CDH22: variants seen among roughly 807,000 people sequenced by gnomAD.
CDH22 encodes the protein cadherin 22, also known as cadherin-22.
A neutral mutation model predicts 58.4 loss-of-function variants in CDH22; 30 were observed. The observed-to-expected ratio is 0.51, with a 90% CI of 0.38 to 0.70. CDH22 has a LOEUF of 0.70. Among genes scored for constraint, CDH22 ranks in the 30% least tolerant of loss-of-function variants. The pLI, the probability that CDH22 is intolerant of heterozygous loss-of-function variation, is 0.00. For missense variants in CDH22, 1,014 were observed against 1,233.9 expected, an observed-to-expected ratio of 0.82 and a Z score of 2.67; for synonymous variants, 513 against 558.2, an observed-to-expected ratio of 0.92 and a Z score of 1.14.
Position 46,221,147 on chromosome 20 carries a change from T to TC in CDH22, c.671-4155dup, listed in dbSNP as rs537373547. 9.9e-5 allele frequency among the ~76,000 whole-genome samples: 15 copies of TC among 152,212 alleles called. No homozygotes were observed. In the East Asian group the frequency reaches 2.9e-3, roughly 29 times the overall value. On this transcript the variant is annotated intron_variant, in intron 4 of 11. Coordinates refer to ENST00000537909, the MANE Select transcript of CDH22 (RefSeq NM_021248.3). ...CTGCCAGCTGTCCCAGTGAAGTCAC[T>TC]CCCAGCGACCCGACAGCTGACTGTT...
chr20:46,281,171 C>T (rs1014486104), intron 1 of CDH22, among the ~76,000 whole-genome samples: 2 of 152,184 alleles, frequency 1.3e-5, no homozygotes, highest in African/African-American at 4.8e-5. Flanking sequence ...TCTAAATAGA[C>T]TTCTGAAAGA....
At chr20:46,289,142 T>C (rs1230096615) in intron 1 of CDH22, among the ~76,000 whole-genome samples, 6 of 152,176 alleles carry the variant, frequency 3.9e-5, no homozygotes. Flanking sequence ...CTTTGGGCCT[T>C]TGCACTTGCT....
intron 6 of CDH22, among the ~76,000 whole-genome samples, chr20:46,211,547 G>A (rs566615287): frequency 9.9e-4 from 151 of 152,266 alleles, no homozygotes; most frequent in Middle Eastern, 3.4e-3. Context: ...CACCGACTCC[G>A]CAGAGACACC....
intron 1 of CDH22, among the ~76,000 whole-genome samples, chr20:46,262,502 C>T (rs1389503838): frequency 6.6e-6 from 1 of 152,178 alleles, no homozygotes; most frequent in African/African-American, 2.4e-5. Flanking sequence ...ACCTTCCTTG[C>T]TCCCTTTCCC....
intron 1 of CDH22, among the ~76,000 whole-genome samples, chr20:46,299,617 TTAAAATAA>T (rs1486241394): frequency 8.7e-6 from 1 of 114,852 alleles, no homozygotes; most frequent in African/African-American, 2.9e-5. Context: ...CAAAAAAAAA[TTAAAATAA>T]TAATAATAAT....
At chr20:46,277,087 G>A (rs1367757936) in intron 1 of CDH22, among the ~76,000 whole-genome samples, 1 of 151,428 alleles carries the variant, frequency 6.6e-6, no homozygotes, top group Non-Finnish European at 1.5e-5. Context: ...CCAGGAGTTT[G>A]AGACCAGCCT....
chr20:46,177,889 C>G, intron 11 of CDH22, 57 bp downstream of exon 11: 1 of 1,589,298 alleles, frequency 6.3e-7, no homozygotes, highest in Non-Finnish European at 8.6e-7. Flanking sequence ...GGAAGGAAAC[C>G]CAGGACGCCA....
chr20:46,188,430 C>T (rs186912386), intron 8 of CDH22, among the ~76,000 whole-genome samples: 37 of 152,220 alleles, frequency 2.4e-4, no homozygotes, highest in African/African-American at 7.7e-4. Flanking sequence ...ATTATTGGAA[C>T]GCTAAGCATG....
At chr20:46,183,594 AATTATT>A (rs2085803338) in intron 10 of CDH22, among the ~76,000 whole-genome samples, 5 of 151,896 alleles carry the variant, frequency 3.3e-5, no homozygotes, top group Admixed American at 3.3e-4. Context: ...ATGCCCAGCT[AATTATT>A]ATTATTATTT....
chr20:46,280,581 G>C (rs1167993849), intron 1 of CDH22, among the ~76,000 whole-genome samples: 1 of 152,200 alleles, frequency 6.6e-6, no homozygotes, highest in East Asian at 1.9e-4. Context: ...AAAGACCTCA[G>C]CCTATGGTCT....
At chr20:46,262,407 C>T (rs1361042817) in intron 1 of CDH22, among the ~76,000 whole-genome samples, 3 of 152,024 alleles carry the variant, frequency 2.0e-5, no homozygotes, top group Non-Finnish European at 4.4e-5. Context: ...CCAGTCTTGC[C>T]CCCCGCCCCA....
intron 1 of CDH22, among the ~76,000 whole-genome samples, chr20:46,270,148 A>G (rs1905085394): frequency 6.6e-6 from 1 of 152,194 alleles, no homozygotes; most frequent in Admixed American, 6.5e-5. Flanking sequence ...GCCTAGGGGA[A>G]GAAAGTAGAA....
At chr20:46,291,640 TG>T (rs2086603743) in intron 1 of CDH22, among the ~76,000 whole-genome samples, 1 of 152,228 alleles carries the variant, frequency 6.6e-6, no homozygotes, top group African/African-American at 2.4e-5. Flanking sequence ...CCTGCTGCAC[TG>T]ATGAAGTAAC....
intron 2 of CDH22, among the ~76,000 whole-genome samples, chr20:46,246,910 GT>G (rs2086333658): frequency 6.6e-6 from 1 of 151,684 alleles, no homozygotes; most frequent in Admixed American, 6.6e-5. Context: ...TGGTATGAGA[GT>G]GTGTGTTTGC....
intron 8 of CDH22, among the ~76,000 whole-genome samples, chr20:46,190,798 G>C (rs953358956): frequency 6.6e-6 from 1 of 151,916 alleles, no homozygotes; most frequent in Non-Finnish European, 1.5e-5. Flanking sequence ...CCATTAATCC[G>C]GGGGGGTGGC....
intron 1 of CDH22, among the ~76,000 whole-genome samples, chr20:46,257,302 G>GA (rs35280949): frequency 0.026 from 3,490 of 136,048 alleles, 70 homozygotes; most frequent in Admixed American, 0.083. Context: ...CTTGTCTCAA[G>GA]AAAAAAAAAA....
chr20:46,200,243 G>C (rs1056857095), intron 7 of CDH22, among the ~76,000 whole-genome samples: 1 of 151,580 alleles, frequency 6.6e-6, no homozygotes, highest in African/African-American at 2.4e-5. Flanking sequence ...CAAAGTGCCT[G>C]GGATTACAGG....
At chr20:46,240,838 T>C (rs889446151) in intron 3 of CDH22, 125 bp downstream of exon 3, 11 of 870,870 alleles carry the variant, frequency 1.3e-5, no homozygotes, top group Non-Finnish European at 1.9e-5. Context: ...CTGTACCCTG[T>C]ACCCTAGGTC....
At chr20:46,294,567 C>A (rs1301816089) in intron 1 of CDH22, among the ~76,000 whole-genome samples, 1 of 152,194 alleles carries the variant, frequency 6.6e-6, no homozygotes, top group East Asian at 1.9e-4. Context: ...AGTTTCATCA[C>A]TGACAACCCC....
Sources: allele counts gnomAD v4.1 joint callset (sites outside exome capture counted in the v4.1 genomes callset), GRCh38; gene constraint gnomAD v4.1.1; transcripts MANE v1.5; gene names NCBI Gene and HGNC (gene_info 2026-07-23, HGNC 2026-07-21).